KIAA1217: variants seen among roughly 807,000 people sequenced by gnomAD.
KIAA1217 encodes the protein sickle tail protein homolog.
Under a neutral mutation model 163.9 loss-of-function variants are expected in KIAA1217, and 88 were observed. The ratio of observed to expected loss-of-function variants is 0.54; its 90% CI spans 0.45 to 0.64. The LOEUF is 0.64. Ranked by LOEUF, KIAA1217 falls within the 30% of genes least tolerant of loss-of-function variation. The pLI, the probability that KIAA1217 is intolerant of heterozygous loss-of-function variation, is 0.00. For missense variants in KIAA1217, 2,372 were observed against 2,475.0 expected, an observed-to-expected ratio of 0.96 and a Z score of 0.88; for synonymous variants, 903 against 923.1, an observed-to-expected ratio of 0.98 and a Z score of 0.39.
chr10:23,842,161 C>T lies in KIAA1217; in HGVS notation c.-321+146927C>T, dbSNP rs1388782380. 4.6e-5 allele frequency among the ~76,000 whole-genome samples: 7 copies of T among 152,114 alleles called. No individual in the cohort carries two copies. The East Asian group carries it at 1.4e-3, about 29-fold the overall frequency. Reference sequence around the variant, plus strand: ...GGGATTACAGGTGTGAGCCACCGTGCCCGGCATAGGACTTTCTTTCTTTAT... The same window carrying T: ...GGGATTACAGGTGTGAGCCACCGTGTCCGGCATAGGACTTTCTTTCTTTAT... On this transcript the variant is annotated intron_variant, in intron 1 of 18. Coordinates refer to the KIAA1217 transcript ENST00000376462.
rs559115931 is a variant in KIAA1217, at chr10:23,795,365, G to A, written c.-321+100131G>A. On this transcript the variant is annotated intron_variant, in intron 1 of 18. Transcript: ENST00000376462. Reference sequence around the variant, plus strand: ...AATTGAACTTGGGTCCACTTGCCCCGTGCACAGAAAAAGCCACATGGACAC... The same window carrying A: ...AATTGAACTTGGGTCCACTTGCCCCATGCACAGAAAAAGCCACATGGACAC... 1.4e-3 allele frequency among the ~76,000 whole-genome samples: 212 copies of A among 152,160 alleles called. 1 individual carries two copies. Among genetic ancestry groups the A allele is most frequent in the African/African-American group, 4.1e-3 (172 of 41,510 alleles).
intron 3 of KIAA1217, among the ~76,000 whole-genome samples, chr10:24,416,410 A>G (rs1246564391): frequency 6.6e-6 from 1 of 152,222 alleles, no homozygotes; most frequent in Non-Finnish European, 1.5e-5. Flanking sequence ...CTTGAATGCC[A>G]AAAGGCAGAG....
chr10:23,982,008 G>C (rs1448563663), intron 1 of KIAA1217, among the ~76,000 whole-genome samples: 1 of 151,746 alleles, frequency 6.6e-6, no homozygotes, highest in African/African-American at 2.4e-5. Flanking sequence ...GAGAGCAAAA[G>C]GAACCTCCCA....
chr10:23,701,375 C>T lies in KIAA1217; in HGVS notation c.-321+6141C>T, dbSNP rs558527712. 1.1e-4 allele frequency among the ~76,000 whole-genome samples: 16 copies of T among 152,296 alleles called. No individual in the cohort carries two copies. The South Asian group carries it at 2.9e-3, about 28-fold the overall frequency. ...CTGTCTTAGGGATGCTGGAAGGTTGCGGTTGTGCCTTTCATCCTCAGGGTG... is the reference window on the plus strand; with the variant it reads ...CTGTCTTAGGGATGCTGGAAGGTTGTGGTTGTGCCTTTCATCCTCAGGGTG... On this transcript the variant is annotated intron_variant, in intron 1 of 18. Transcript: ENST00000376462.
intron 1 of KIAA1217, among the ~76,000 whole-genome samples, chr10:23,922,922 A>G (rs973421084): frequency 6.6e-6 from 1 of 152,168 alleles, no homozygotes; most frequent in Non-Finnish European, 1.5e-5. Flanking sequence ...TTTGATGCAT[A>G]TTGTAAGGTA....
At chr10:23,881,929 C>T (rs536409136) in intron 1 of KIAA1217, among the ~76,000 whole-genome samples, 1 of 151,906 alleles carries the variant, frequency 6.6e-6, no homozygotes, top group Non-Finnish European at 1.5e-5. Context: ...CAGAGCCCAC[C>T]TAGCCATCAA....
At chr10:24,445,436 G>T (rs1828702057) in intron 5 of KIAA1217, among the ~76,000 whole-genome samples, 1 of 151,750 alleles carries the variant, frequency 6.6e-6, no homozygotes, top group Non-Finnish European at 1.5e-5. Context: ...CAACGTGCAG[G>T]TTTGTTACAT....
rs139359460 is a variant in KIAA1217, at chr10:24,115,695, G to A, written c.-170-103931G>A. Among the ~76,000 whole-genome samples, 123 of 152,304 alleles carry A rather than the reference G, an allele frequency of 8.1e-4. 1 individual carries two copies. Among genetic ancestry groups the A allele is most frequent in the Middle Eastern group, 6.8e-3 (2 of 294 alleles). ...CTGCTCCTTGTTTAAGTTCTCTAAG[G>A]ATGGAAGATGCTAAGCACTGGGAAG... is the stretch of plus-strand genomic sequence containing the variant. On this transcript the variant is annotated intron_variant, in intron 2 of 18. Transcript: ENST00000376462.
At chr10:23,724,665 A>G (rs1588667373) in intron 1 of KIAA1217, among the ~76,000 whole-genome samples, 1 of 152,330 alleles carries the variant, frequency 6.6e-6, no homozygotes, top group Non-Finnish European at 1.5e-5. Flanking sequence ...ATGAAGGATT[A>G]ATTCTATAAT....
chr10:24,440,961 T>C (rs1228917723), intron 5 of KIAA1217, among the ~76,000 whole-genome samples: 1 of 152,190 alleles, frequency 6.6e-6, no homozygotes, highest in East Asian at 1.9e-4. Context: ...GAATTCTTTT[T>C]CCTTTCTTGA....
chr10:23,966,455 A>T (rs1185233139), intron 1 of KIAA1217, among the ~76,000 whole-genome samples: 1 of 152,136 alleles, frequency 6.6e-6, no homozygotes, highest in Non-Finnish European at 1.5e-5. Context: ...GGCTGCCGCC[A>T]GTATGACACA....
At chr10:24,405,678 G>A (rs2057132077) in intron 3 of KIAA1217, among the ~76,000 whole-genome samples, 1 of 152,166 alleles carries the variant, frequency 6.6e-6, no homozygotes, top group Non-Finnish European at 1.5e-5. Context: ...CTGGAAACCT[G>A]CTAACATCAC....
chr10:23,727,571 A>T (rs1024588325), intron 1 of KIAA1217, among the ~76,000 whole-genome samples: 9 of 152,132 alleles, frequency 5.9e-5, no homozygotes, highest in Non-Finnish European at 1.3e-4. Flanking sequence ...AAAAAATTTA[A>T]AAAAAAGTTG....
intron 3 of KIAA1217, among the ~76,000 whole-genome samples, chr10:24,389,691 A>AC (rs1462963955): frequency 2.6e-5 from 4 of 152,128 alleles, no homozygotes; most frequent in Non-Finnish European, 5.9e-5. Context: ...AATCACCCAT[A>AC]CCAGTCTCTT....
chr10:24,073,065 A>G (rs1432505234), intron 2 of KIAA1217, among the ~76,000 whole-genome samples: 1 of 151,918 alleles, frequency 6.6e-6, no homozygotes, highest in Non-Finnish European at 1.5e-5. Flanking sequence ...TCTTGAAAAA[A>G]AAAAAAAAGA....
intron 1 of KIAA1217, among the ~76,000 whole-genome samples, chr10:23,890,576 A>G (rs1841375687): frequency 6.6e-6 from 1 of 151,864 alleles, no homozygotes; most frequent in Non-Finnish European, 1.5e-5. Flanking sequence ...AGTGTTATCG[A>G]TTTCTAATTT....
chr10:24,507,311 A>G (rs1331597157), intron 9 of KIAA1217, among the ~76,000 whole-genome samples: 2 of 152,214 alleles, frequency 1.3e-5, no homozygotes, highest in African/African-American at 4.8e-5. Flanking sequence ...ATGCTGACAA[A>G]TGTGACCTAT....
intron 2 of KIAA1217, among the ~76,000 whole-genome samples, chr10:24,121,461 A>C (rs1454444251): frequency 6.6e-6 from 1 of 152,140 alleles, no homozygotes; most frequent in Non-Finnish European, 1.5e-5. Flanking sequence ...TAGTGAACAA[A>C]TGTGTTTTAG....
At chr10:24,126,099 A>G (rs555286736) in intron 2 of KIAA1217, among the ~76,000 whole-genome samples, 196 of 152,324 alleles carry the variant, frequency 1.3e-3, no homozygotes, top group African/African-American at 4.4e-3. Context: ...GTATAGGCAT[A>G]TATCATTAAA....
Sources: gnomAD v4.1 joint callset for allele counts (sites outside exome capture counted in the v4.1 genomes callset) on GRCh38, gnomAD v4.1.1 for gene constraint, MANE v1.5 for transcripts, NCBI Gene and HGNC (gene_info 2026-07-23, HGNC 2026-07-21) for gene names.